Variants in GPS2 observed in about 807,000 individuals in gnomAD.
The protein encoded by GPS2 is GPS-2.
In GPS2, 22 loss-of-function variants were observed where a neutral mutation model predicts 48.1. The observed-to-expected ratio is 0.46, with a 90% CI of 0.33 to 0.65. GPS2 has a LOEUF of 0.65. Among genes scored for constraint, GPS2 ranks in the 30% least tolerant of loss-of-function variants. GPS2 has a pLI of 0.03. For synonymous variants in GPS2, 202 were observed against 142.5 expected (o/e 1.42, Z -2.98); for missense variants, 366 against 406.8 (o/e 0.90, Z 0.86).
At chr17:7,313,320 G>C in intron 8 of GPS2, 29 bp from the exon 9 acceptor site, 5 of 1,611,860 alleles carry the variant, frequency 3.1e-6, no homozygotes, top group Middle Eastern at 3.3e-4. Context: ...CATGTGAGAT[G>C]AGAATGAAAC....
chr17:7,313,186 C>T (rs1388131121), intron 9 of GPS2, 26 bp downstream of exon 9: 3 of 1,612,398 alleles, frequency 1.9e-6, no homozygotes, highest in Admixed American at 1.7e-5. Context: ...ATCCCTAACC[C>T]TGACCTCCCA....
chr17:7,314,552 T>A lies in GPS2; in HGVS notation c.140A>T (p.Glu47Val). 6.2e-7 allele frequency: 1 copy of A among 1,613,722 alleles called. No homozygotes were observed. The highest frequency in any genetic ancestry group is 8.5e-7 in the Non-Finnish European group (1 of 1,179,556). Residue 47 changes from glutamate to valine, a missense_variant, in exon 3 of 11, where the codon GAA (glutamate) becomes GTA (valine). Glu to Val is a moderately radical substitution (Grantham distance 121). Around this residue, in one of 3 missense-constraint regions of GPS2, gnomAD observed 88 missense variants for 107.4 expected, o/e 0.82. Coordinates refer to ENST00000380728, the MANE Select transcript of GPS2 (RefSeq NM_004489.5). Reference protein sequence around the residue: ...DKMMEQKMKEEQERRKKKEME... With the variant: ...DKMMEQKMKEVQERRKKKEME... ...CTCCTTTTTCTTCCTTCTCTCCTGT[T>A]CTTCCTTCATCTTCTGTTCCATCAT...
intron 2 of GPS2, 54 bp from the exon 3 acceptor site, chr17:7,314,651 G>C: frequency 1.9e-6 from 3 of 1,610,960 alleles, no homozygotes; most frequent in Non-Finnish European, 2.5e-6. Context: ...CAATTCCAAC[G>C]TTACAGATTG....
Position 7,313,194 on chromosome 17 carries a change from C to T in GPS2, c.804+18G>A, listed in dbSNP as rs2072886865. 1.9e-6 allele frequency: 3 copies of T among 1,613,072 alleles called. No individual in the cohort carries two copies. The highest frequency in any genetic ancestry group is 1.3e-5 in the African/African-American group (1 of 74,880). ...TTAACATATCCCTAACCCTGACCTCCCAAGGTGCCATACTCACTGAGTCGG... is the reference window on the plus strand; with the variant it reads ...TTAACATATCCCTAACCCTGACCTCTCAAGGTGCCATACTCACTGAGTCGG... On this transcript the variant is annotated intron_variant, in intron 9 of 10. Coordinates refer to ENST00000380728, the MANE Select transcript of GPS2 (RefSeq NM_004489.5).
intron 2 of GPS2, 33 bp from the exon 3 acceptor site, chr17:7,314,630 G>C (rs878878710): frequency 6.2e-7 from 1 of 1,613,422 alleles, no homozygotes; most frequent in African/African-American, 1.3e-5. Flanking sequence ...GAAGAGGCAG[G>C]GTAGTGAAAA....
In GPS2 at chr17:7,312,717, T is replaced by TG; in HGVS notation, c.*38dup. ...ACACAGGGGATACCCTCACCCACGA[T>TG]GGGGTGGGGGGTGTGGTGTTGAAGA... is the stretch of plus-strand genomic sequence containing the variant. On this transcript the variant is annotated 3_prime_UTR_variant, in exon 11 of 11. Coordinates refer to ENST00000380728, the MANE Select transcript of GPS2 (RefSeq NM_004489.5). 6.9e-7 allele frequency: 1 copy of TG among 1,446,390 alleles called. No homozygotes were observed. The highest frequency in any genetic ancestry group is 1.1e-5 in the South Asian group (1 of 87,768). The allele number at this position is 1,446,390 out of a possible 1,614,324, so 89.6% of individuals were successfully genotyped here. A position where few individuals can be genotyped will look rare whatever the true frequency, so the allele number is the denominator to read the frequency against.
chr17:7,312,993 G>A, intron 10 of GPS2, 36 bp downstream of exon 10: 1 of 1,510,644 alleles, frequency 6.6e-7, no homozygotes, highest in Non-Finnish European at 9.0e-7. Context: ...CCCTAGTGTA[G>A]GGATTCTGAC....
chr17:7,314,754 C>G (rs916149006), intron 2 of GPS2, 157 bp from the exon 3 acceptor site: 2 of 1,432,042 alleles, frequency 1.4e-6, no homozygotes, highest in Non-Finnish European at 1.9e-6. Context: ...AACGGAAAGG[C>G]TTTATCAGGT....
intron 1 of GPS2, 30 bp from the exon 2 acceptor site, chr17:7,315,149 C>CGCGCCCGGCCCAGGCGGAAGCCCGT: frequency 1.2e-6 from 1 of 860,696 alleles, no homozygotes; most frequent in Non-Finnish European, 1.6e-6. Flanking sequence ...CAGAGGGGGC[C>CGCGCCCGGCCCAGGCGGAAGCCCGT]GCGCCCGGCC....
In GPS2 at chr17:7,312,717, T is replaced by G; in HGVS notation, c.*39A>C. 4 of 1,446,388 alleles carry G rather than the reference T, an allele frequency of 2.8e-6. No individual in the cohort carries two copies. The highest frequency in any genetic ancestry group is 3.9e-6 in the Non-Finnish European group (4 of 1,027,320). 89.6% of individuals were successfully genotyped at this position (1,446,388 alleles called of 1,614,324 possible). ...ACACAGGGGATACCCTCACCCACGA[T>G]GGGGTGGGGGGTGTGGTGTTGAAGA... is the stretch of plus-strand genomic sequence containing the variant. On this transcript the variant is annotated 3_prime_UTR_variant, in exon 11 of 11. Transcript: ENST00000380728.
chr17:7,313,882 C>G (rs376937003), intron 6 of GPS2, 24 bp downstream of exon 6: 1 of 1,603,194 alleles, frequency 6.2e-7, no homozygotes, highest in Middle Eastern at 1.7e-4. Context: ...GTACTAGGGG[C>G]TAGGCATCCA....
chr17:7,314,988 A>G lies in GPS2; in HGVS notation c.65T>C (p.Ile22Thr). 6 of 1,601,198 alleles carry G rather than the reference A, an allele frequency of 3.7e-6. No individual in the cohort carries two copies. The highest frequency in any genetic ancestry group is 5.1e-6 in the Non-Finnish European group (6 of 1,174,564). Residue 22 changes from isoleucine to threonine, a missense_variant, in exon 2 of 11, where the codon ATT (isoleucine) becomes ACT (threonine). Coordinates refer to ENST00000380728, the MANE Select transcript of GPS2 (RefSeq NM_004489.5). Reference protein sequence around the residue: ...NAMARALHRHIMMERERKRQE... With the variant: ...NAMARALHRHTMMERERKRQE... ...CCGCTTGCGCTCCCGCTCCATCATA[A>G]TGTGCCGGTGCAGCGCCCTGGCCAT... is the stretch of plus-strand genomic sequence containing the variant.
Position 7,312,770 on chromosome 17 carries a change from A to T in GPS2, c.970T>A (p.Phe324Ile). 6.2e-7 allele frequency: 1 copy of T among 1,613,834 alleles called. No individual in the cohort carries two copies. ...TAATCTGATGGTCACTTGTGGTAGA[A>T]TCGCGGGTTCTGGCTGTGTTGGATG... is the stretch of plus-strand genomic sequence containing the variant. ...PFIQHSQNPR[F>I]YHK The change falls in exon 11 of 11, where the codon TTC becomes ATC. Residue 324 changes from phenylalanine (F) to isoleucine (I), a missense_variant. Phe to Ile is a conservative substitution (Grantham distance 21, BLOSUM62 0). This residue lies in a region of GPS2 where 275 missense variants were observed against 282.3 expected (regional missense o/e 0.97). Transcript: ENST00000380728.
chr17:7,315,265 C>G (rs913622725), intron 1 of GPS2, 66 bp downstream of exon 1: 1 of 324,512 alleles, frequency 3.1e-6, no homozygotes, highest in Non-Finnish European at 5.6e-6. Flanking sequence ...GCGCGGGCGG[C>G]GCCGGGGTCC....
intron 10 of GPS2, 21 bp from the exon 11 acceptor site, chr17:7,312,860 A>C (rs945623793): frequency 2.5e-6 from 4 of 1,607,660 alleles, no homozygotes; most frequent in Non-Finnish European, 3.4e-6. Flanking sequence ...TGATGAAAAG[A>C]GGGCTTTGTC....
In GPS2 at chr17:7,314,727, C is replaced by A; in HGVS notation, c.95-130G>T. On this transcript the variant is annotated intron_variant, in intron 2 of 10. Transcript: ENST00000380728. Reference sequence around the variant, plus strand: ...TCTTTGCCTCGAGGGGACAAGCTCCCCATCGCGGCAATAGGGAACGGAAAG... The same window carrying A: ...TCTTTGCCTCGAGGGGACAAGCTCCACATCGCGGCAATAGGGAACGGAAAG... The A allele has an allele frequency of 1.9e-6, 3 of 1,538,584 alleles. No homozygotes were observed. The South Asian group carries it at 3.6e-5, about 18-fold the overall frequency.
chr17:7,313,322 G>A (rs1026384777), intron 8 of GPS2, 31 bp from the exon 9 acceptor site: 4 of 1,611,408 alleles, frequency 2.5e-6, no homozygotes, highest in South Asian at 1.1e-5. Context: ...TGTGAGATGA[G>A]AATGAAACAG....
chr17:7,314,377 CA>C lies in GPS2; in HGVS notation c.230del (p.Leu77TrpfsTer32). The C allele has an allele frequency of 6.2e-7, 1 of 1,614,122 alleles. No individual in the cohort carries two copies. Among genetic ancestry groups the C allele is most frequent in the Non-Finnish European group, 8.5e-7 (1 of 1,180,026 alleles). On this transcript the variant is annotated frameshift_variant, in exon 4 of 11. Coordinates refer to ENST00000380728, the MANE Select transcript of GPS2 (RefSeq NM_004489.5). LOFTEE classifies it high-confidence loss of function. The stretch of plus-strand genomic sequence containing the variant: ...GCTGGTGCTTCTCTTCCTGTAGAGC[CA>C]AAAGCTTCTCCTCCAACTTCAGAAT... ...EQILKLEEKL[L>X]ALQEEKHQLF...
In GPS2 at chr17:7,314,994, C is replaced by T; in HGVS notation, c.59G>A (p.Arg20Gln). The T allele has an allele frequency of 6.2e-7, 1 of 1,602,510 alleles. No individual in the cohort carries two copies. Among genetic ancestry groups the T allele is most frequent in the Non-Finnish European group, 8.5e-7 (1 of 1,175,262 alleles). Residue 20 changes from arginine to glutamine, a missense_variant, in exon 2 of 11, where the codon CGG becomes CAG. By Grantham distance (43) the Arg-to-Gln change is conservative (BLOSUM62 1). Coordinates refer to ENST00000380728, the MANE Select transcript of GPS2 (RefSeq NM_004489.5). Reference protein sequence around the residue: ...LSNAMARALHRHIMMERERKR... With the variant: ...LSNAMARALHQHIMMERERKR... ...GCGCTCCCGCTCCATCATAATGTGC[C>T]GGTGCAGCGCCCTGGCCATGGCGTT... is the stretch of plus-strand genomic sequence containing the variant.
Sources: allele counts gnomAD v4.1 joint callset, GRCh38; gene constraint gnomAD v4.1.1; regional missense constraint gnomAD v4.1.1; transcripts MANE v1.5; gene names NCBI Gene and HGNC (gene_info 2026-07-23, HGNC 2026-07-21).